The following RGS7 variants were observed in gnomAD, a reference collection of about 807,000 sequenced individuals.
RGS7 encodes regulator of G protein signaling 7, also known as regulator of G-protein signaling 7.
RGS7 carries 27 observed loss-of-function variants against 81.1 expected under a neutral mutation model. The ratio of observed to expected loss-of-function variants is 0.33; its 90% CI spans 0.25 to 0.46. RGS7 has a LOEUF of 0.46. Ranked by LOEUF, RGS7 falls within the 20% of genes least tolerant of loss-of-function variation. The pLI, the probability that RGS7 is intolerant of heterozygous loss-of-function variation, is 1.00. For synonymous variants in RGS7, 208 were observed against 207.7 expected (o/e 1.00, Z -0.01); for missense variants, 396 against 607.4 (o/e 0.65, Z 3.66).
At chr1:241,167,477 A>G (rs2070351976) in intron 2 of RGS7, among the ~76,000 whole-genome samples, 1 of 151,880 alleles carries the variant, frequency 6.6e-6, no homozygotes, top group Non-Finnish European at 1.5e-5. Flanking sequence ...TGTGGCATCA[A>G]CCAGGAGATT....
intron 2 of RGS7, among the ~76,000 whole-genome samples, chr1:241,330,920 C>G (rs892994338): frequency 6.6e-6 from 1 of 152,150 alleles, no homozygotes; most frequent in Non-Finnish European, 1.5e-5. Context: ...CACACATACC[C>G]CCTAAATCTA....
chr1:241,300,656 T>C lies in RGS7; in HGVS notation c.78+55043A>G, dbSNP rs561839363. Among the ~76,000 whole-genome samples the C allele has an allele frequency of 2.6e-5, 4 of 152,354 alleles. No individual in the cohort carries two copies. The East Asian group carries it at 7.7e-4, about 29-fold the overall frequency. ...TCTGGAGGTACCACAGTTTATCTAT[T>C]CACCCACTAAAAGACATTTTGGTTA... On this transcript the variant is annotated intron_variant, in intron 2 of 18. Coordinates refer to ENST00000440928, the MANE Select transcript of RGS7 (RefSeq NM_001364886.1).
chr1:241,035,116 C>G (rs1366364620), intron 3 of RGS7, among the ~76,000 whole-genome samples: 1 of 152,144 alleles, frequency 6.6e-6, no homozygotes, highest in Non-Finnish European at 1.5e-5. Context: ...GAAGAGGCAT[C>G]ATCCTTTCTG....
chr1:241,016,410 T>C (rs1447403046), intron 3 of RGS7, among the ~76,000 whole-genome samples: 1 of 151,784 alleles, frequency 6.6e-6, no homozygotes, highest in Non-Finnish European at 1.5e-5. Context: ...CTCAGCTATT[T>C]GGGAGGCTGA....
intron 3 of RGS7, among the ~76,000 whole-genome samples, chr1:241,012,457 T>C (rs2059007228): frequency 2.0e-5 from 3 of 152,110 alleles, no homozygotes. Flanking sequence ...AGTGGCAGGA[T>C]AACCAGGAAG....
At chr1:240,855,278 C>T (rs1220706148) in intron 9 of RGS7, among the ~76,000 whole-genome samples, 1 of 132,902 alleles carries the variant, frequency 7.5e-6, no homozygotes, top group Non-Finnish European at 1.6e-5. Flanking sequence ...TGTTGCATTC[C>T]AGCCTGGGCG....
At chr1:240,904,368 A>C (rs1323396947) in intron 6 of RGS7, among the ~76,000 whole-genome samples, 1 of 152,222 alleles carries the variant, frequency 6.6e-6, no homozygotes, top group Non-Finnish European at 1.5e-5. Context: ...GTAATAGCTC[A>C]TCTTCAACAC....
intron 3 of RGS7, among the ~76,000 whole-genome samples, chr1:240,988,662 A>G (rs1686014346): frequency 6.6e-6 from 1 of 152,226 alleles, no homozygotes; most frequent in Non-Finnish European, 1.5e-5. Context: ...TGAGGGTTCA[A>G]CAAAGCAACC....
chr1:240,895,152 C>T (rs1314151063), intron 6 of RGS7, among the ~76,000 whole-genome samples: 1 of 152,124 alleles, frequency 6.6e-6, no homozygotes, highest in African/African-American at 2.4e-5. Flanking sequence ...TTTCACCTTC[C>T]ACCATGATTG....
At chr1:240,875,416 C>G (rs1665229928) in intron 6 of RGS7, among the ~76,000 whole-genome samples, 1 of 152,146 alleles carries the variant, frequency 6.6e-6, no homozygotes, top group Non-Finnish European at 1.5e-5. Context: ...CCCACATTTT[C>G]TTTACCCATT....
Position 240,816,541 on chromosome 1 carries a change from C to G in RGS7, c.685-126G>C, listed in dbSNP as rs1441941437. 5 of 668,768 alleles carry G rather than the reference C, an allele frequency of 7.5e-6. No homozygotes were observed. The Admixed American group carries it at 1.3e-4, about 17-fold the overall frequency. 41.4% of individuals were successfully genotyped at this position (668,768 alleles called of 1,614,324 possible). On this transcript the variant is annotated intron_variant, in intron 10 of 18. Transcript: ENST00000440928. ...AAGCTTATTTGATTAAGCTTCTTAA[C>G]AAAATTCAAAAGGCACTGCTAAGAT...
chr1:241,218,841 G>C (rs185054677), intron 2 of RGS7, among the ~76,000 whole-genome samples: 1 of 152,022 alleles, frequency 6.6e-6, no homozygotes, highest in African/African-American at 2.4e-5. Flanking sequence ...GTAGAGATGG[G>C]GTTTCACTAT....
chr1:240,956,388 C>A (rs76790185), intron 4 of RGS7, among the ~76,000 whole-genome samples: 48 of 147,728 alleles, frequency 3.2e-4, no homozygotes, highest in South Asian at 6.4e-4. Flanking sequence ...AACAAAAAAA[C>A]AAAAAAAAAA....
At chr1:240,879,236 G>A (rs750488147) in intron 6 of RGS7, among the ~76,000 whole-genome samples, 7 of 152,146 alleles carry the variant, frequency 4.6e-5, no homozygotes, top group Non-Finnish European at 1.0e-4. Flanking sequence ...TCTACGAATC[G>A]ATTGTCCCCT....
chr1:241,179,577 C>T (rs891176353), intron 2 of RGS7, among the ~76,000 whole-genome samples: 1 of 152,146 alleles, frequency 6.6e-6, no homozygotes, highest in Non-Finnish European at 1.5e-5. Context: ...ATATTTACTG[C>T]ATATTTAGTC....
intron 6 of RGS7, among the ~76,000 whole-genome samples, chr1:240,870,628 A>G (rs577485266): frequency 6.6e-6 from 1 of 152,324 alleles, no homozygotes; most frequent in Non-Finnish European, 1.5e-5. Flanking sequence ...GATTATAGGC[A>G]TGAGACATAA....
At chr1:240,810,620 T>G (rs1168242527) in intron 14 of RGS7, among the ~76,000 whole-genome samples, 1 of 152,012 alleles carries the variant, frequency 6.6e-6, no homozygotes, top group Non-Finnish European at 1.5e-5. Context: ...TTAATTTTAA[T>G]TTTAATTTTT....
intron 2 of RGS7, among the ~76,000 whole-genome samples, chr1:241,133,252 C>T (rs1055523748): frequency 4.0e-5 from 6 of 150,050 alleles, no homozygotes; most frequent in Non-Finnish European, 7.4e-5. Context: ...TGAATATAAA[C>T]AGCAATAAAT....
At chr1:241,117,968 A>T (rs1279275830) in intron 2 of RGS7, among the ~76,000 whole-genome samples, 1 of 152,198 alleles carries the variant, frequency 6.6e-6, no homozygotes, top group African/African-American at 2.4e-5. Context: ...AGCAATCTGC[A>T]CTAAAATAAA....
Sources: gnomAD v4.1 joint callset for allele counts (sites outside exome capture counted in the v4.1 genomes callset) on GRCh38, gnomAD v4.1.1 for gene constraint, MANE v1.5 for transcripts, NCBI Gene and HGNC (gene_info 2026-07-23, HGNC 2026-07-21) for gene names.